Variants in PIK3AP1 observed in about 807,000 individuals in gnomAD.
The protein encoded by PIK3AP1 is phosphoinositide-3-kinase adaptor protein 1, also known as phosphoinositide 3-kinase adapter protein 1.
In PIK3AP1, 21 loss-of-function variants were observed where a neutral mutation model predicts 88.1. The ratio of observed to expected loss-of-function variants is 0.24; its 90% confidence interval spans 0.17 to 0.34. The LOEUF is 0.34. Among genes scored for constraint, PIK3AP1 ranks in the 10% least tolerant of loss-of-function variants. The pLI, the probability that PIK3AP1 is intolerant of heterozygous loss-of-function variation, is 1.00. For missense variants in PIK3AP1, 828 were observed against 1,035.7 expected, an observed-to-expected ratio of 0.80 and a Z score of 2.75; for synonymous variants, 398 against 400.0, an observed-to-expected ratio of 1.00 and a Z score of 0.06.
intron 2 of PIK3AP1, among the ~76,000 whole-genome samples, chr10:96,699,052 C>T (rs368583071): frequency 7.2e-5 from 11 of 151,730 alleles, no homozygotes; most frequent in South Asian, 2.1e-4. Context: ...GGCGTGGTGG[C>T]GCACACCTGT....
At chr10:96,671,229 A>C (rs510124) in intron 2 of PIK3AP1, among the ~76,000 whole-genome samples, 148,135 of 152,320 alleles carry the variant, frequency 0.97, 72,101 homozygotes, top group East Asian at 1. Context: ...TGCTCTACTG[A>C]AAATATTTGT....
intron 8 of PIK3AP1, among the ~76,000 whole-genome samples, chr10:96,636,316 A>T (rs1041299717): frequency 1.3e-5 from 2 of 152,246 alleles, no homozygotes; most frequent in African/African-American, 2.4e-5. Context: ...AATTATTTTT[A>T]AAATGCTCTT....
intron 2 of PIK3AP1, among the ~76,000 whole-genome samples, chr10:96,705,324 A>G (rs1201744026): frequency 1.3e-5 from 2 of 152,294 alleles, no homozygotes; most frequent in African/African-American, 2.4e-5. Context: ...AAGGCTGTAA[A>G]GGTCACATGG....
intron 3 of PIK3AP1, 141 bp downstream of exon 3, chr10:96,656,657 G>A: frequency 8.2e-7 from 1 of 1,215,670 alleles, no homozygotes; most frequent in African/African-American, 1.5e-5. Flanking sequence ...GGGTAACAGG[G>A]TACTCAAAAG....
intron 2 of PIK3AP1, 33 bp from the exon 3 acceptor site, chr10:96,656,967 G>A (rs774909059): frequency 9.9e-6 from 16 of 1,609,848 alleles, no homozygotes; most frequent in Admixed American, 3.3e-5. Context: ...GAATGGGAAC[G>A]GCAGGAAGGA....
rs757403264 is a variant in PIK3AP1 at position 96,594,052 on chromosome 10, G to C, written c.*1525C>G. The C allele has an allele frequency of 2.6e-5, 4 of 152,124 alleles. No homozygotes were observed. Among genetic ancestry groups the C allele is most frequent in the African/African-American group, 4.8e-5 (2 of 41,416 alleles). The allele number at this position is 152,124 out of a possible 1,614,324, so 9.4% of individuals were successfully genotyped here. On this transcript the variant is annotated 3_prime_UTR_variant, in exon 17 of 17. Coordinates refer to ENST00000339364, the MANE Select transcript of PIK3AP1 (RefSeq NM_152309.3). The surrounding 1 kb of genome is among the most constrained non-coding windows in gnomAD (Gnocchi z 4.6). ...GAATATTTTTTAAAGAAGTATTTCT[G>C]ATTCTAATTTTACTGTATGTTTAGG...
chr10:96,699,611 C>A (rs976133548), intron 2 of PIK3AP1, among the ~76,000 whole-genome samples: 3 of 152,148 alleles, frequency 2.0e-5, no homozygotes, highest in Non-Finnish European at 4.4e-5. Context: ...TAACTGAGCA[C>A]CCAACACAGG....
chr10:96,656,074 G>A (rs1204456261), intron 3 of PIK3AP1, among the ~76,000 whole-genome samples: 2 of 152,148 alleles, frequency 1.3e-5, no homozygotes, highest in African/African-American at 2.4e-5. Flanking sequence ...ACGCTGTCTC[G>A]CCTCAAGGAG....
chr10:96,674,472 G>T (rs1000519312), intron 2 of PIK3AP1, among the ~76,000 whole-genome samples: 2 of 152,210 alleles, frequency 1.3e-5, no homozygotes, highest in Non-Finnish European at 2.9e-5. Flanking sequence ...ACTGAAAAGT[G>T]CAAGACAAAG....
chr10:96,702,369 C>T (rs934186220), intron 2 of PIK3AP1, among the ~76,000 whole-genome samples: 1 of 151,774 alleles, frequency 6.6e-6, no homozygotes, highest in African/African-American at 2.4e-5. Flanking sequence ...CGTGTTGGCA[C>T]GTGCCTGTAG....
intron 2 of PIK3AP1, among the ~76,000 whole-genome samples, chr10:96,683,921 G>C (rs1323766183): frequency 6.6e-6 from 1 of 152,208 alleles, no homozygotes; most frequent in African/African-American, 2.4e-5. Context: ...ACATGGCTGT[G>C]CTACTCATTG....
At chr10:96,598,634 A>G (rs1271044083) in intron 16 of PIK3AP1, among the ~76,000 whole-genome samples, 1 of 152,222 alleles carries the variant, frequency 6.6e-6, no homozygotes, top group Non-Finnish European at 1.5e-5. Flanking sequence ...AAGGGTCGCA[A>G]CACAGAGTGT....
intron 2 of PIK3AP1, among the ~76,000 whole-genome samples, chr10:96,658,140 T>C (rs2134240547): frequency 6.6e-6 from 1 of 152,150 alleles, no homozygotes; most frequent in African/African-American, 2.4e-5. Context: ...TTGCTCTTAT[T>C]CATTCCTTAA....
intron 1 of PIK3AP1, among the ~76,000 whole-genome samples, chr10:96,715,012 G>A (rs1257068475): frequency 7.0e-6 from 1 of 143,436 alleles, no homozygotes; most frequent in Admixed American, 7.3e-5. Flanking sequence ...TCTTTCCAAA[G>A]AGCACAGTGT....
intron 13 of PIK3AP1, among the ~76,000 whole-genome samples, chr10:96,612,539 T>C (rs1849131609): frequency 1.3e-5 from 2 of 152,182 alleles, no homozygotes; most frequent in African/African-American, 4.8e-5. Flanking sequence ...AATTTTCCTA[T>C]AATGTTATCG....
intron 14 of PIK3AP1, among the ~76,000 whole-genome samples, chr10:96,609,401 G>A (rs937543261): frequency 6.6e-6 from 1 of 152,228 alleles, no homozygotes; most frequent in African/African-American, 2.4e-5. Context: ...GAGCTTCAGT[G>A]AGAATTAAAT....
At chr10:96,650,921 C>T (rs915177897) in intron 6 of PIK3AP1, among the ~76,000 whole-genome samples, 1 of 152,236 alleles carries the variant, frequency 6.6e-6, no homozygotes, top group Non-Finnish European at 1.5e-5. Flanking sequence ...CCTGACAGTA[C>T]TTAGCTTACC....
intron 2 of PIK3AP1, among the ~76,000 whole-genome samples, chr10:96,692,370 T>C (rs1844165136): frequency 6.6e-6 from 1 of 152,044 alleles, no homozygotes; most frequent in South Asian, 2.1e-4. Flanking sequence ...GGTCAGGAGA[T>C]AGGGACCATC....
At chr10:96,666,496 T>A (rs1843764975) in intron 2 of PIK3AP1, among the ~76,000 whole-genome samples, 1 of 152,086 alleles carries the variant, frequency 6.6e-6, no homozygotes, top group Admixed American at 6.6e-5. Flanking sequence ...TAGTCGACAC[T>A]AAAGCTTCAT....
Sources: allele counts gnomAD v4.1 joint callset (sites outside exome capture counted in the v4.1 genomes callset), GRCh38; gene constraint gnomAD v4.1.1; non-coding constraint Gnocchi (gnomAD v3.1); transcripts MANE v1.5; gene names NCBI Gene and HGNC (gene_info 2026-07-23, HGNC 2026-07-21).